Variants in LIG3 observed in about 807,000 individuals in gnomAD.
LIG3 encodes the protein DNA ligase 3.
Under a neutral mutation model 110.9 loss-of-function variants are expected in LIG3, and 58 were observed. The ratio of observed to expected loss-of-function variants is 0.52; its 90% CI spans 0.42 to 0.65. The LOEUF (loss-of-function observed/expected upper bound fraction) is 0.65, where lower values mean the gene tolerates loss of function less well. Ranked by LOEUF, LIG3 falls within the 30% of genes least tolerant of loss-of-function variation. The pLI is 0.00. For missense variants in LIG3, 1,094 were observed against 1,273.8 expected (o/e 0.86, Z 2.15); for synonymous variants, 422 against 472.8 (o/e 0.89, Z 1.39).
In LIG3 at chr17:34,992,504, G is replaced by A; in HGVS notation, c.1287-20G>A. ...ACAAAGGCAGTGGTTTTGTTTCCTT[G>A]TTCCTGTACCCCTTGGCAGGTTAGA... On this transcript the variant is annotated intron_variant, in intron 7 of 19. Coordinates refer to ENST00000378526, the MANE Select transcript of LIG3 (RefSeq NM_013975.4). The A allele has an allele frequency of 2.6e-6, 4 of 1,553,612 alleles. No individual in the cohort carries two copies. Among genetic ancestry groups the A allele is most frequent in the East Asian group, 2.3e-5 (1 of 44,182 alleles).
chr17:35,000,770 C>T (rs568632906), intron 16 of LIG3, among the ~76,000 whole-genome samples: 33 of 151,496 alleles, frequency 2.2e-4, no homozygotes, highest in Non-Finnish European at 3.7e-4. Context: ...GGTGCCACCA[C>T]CCCCAGCTAA....
At chr17:34,998,043 ACAG>A in intron 12 of LIG3, 173 bp from the exon 13 acceptor site, 1 of 647,782 alleles carries the variant, frequency 1.5e-6, no homozygotes, top group South Asian at 2.0e-5. Context: ...TTTCAAAGCC[ACAG>A]CAGCCCTCTG....
At chr17:34,981,856 T>A (rs1263952273) in intron 1 of LIG3, among the ~76,000 whole-genome samples, 1 of 152,240 alleles carries the variant, frequency 6.6e-6, no homozygotes, top group Non-Finnish European at 1.5e-5. Context: ...GCTGATATAA[T>A]CTTTTTCCAT....
Position 35,009,191 on chromosome 17 carries a change from A to T in LIG3, c.*4685A>T, listed in dbSNP as rs2090918496. The T allele has an allele frequency of 6.6e-6, 1 of 152,650 alleles. No individual in the cohort carries two copies. 9.5% of individuals were successfully genotyped at this position (152,650 alleles called of 1,614,324 possible). On this transcript the variant is annotated 3_prime_UTR_variant, in exon 20 of 20. Transcript: ENST00000378526. ...ATAATACACATTTGGGTTTGCTTTA[A>T]CCTCCAAGTAAGTCTGAGAAAATCT...
chr17:35,005,131 G>A lies in LIG3; in HGVS notation c.*625G>A, dbSNP rs936531440. The A allele has an allele frequency of 2.8e-6, 1 of 356,442 alleles. No individual in the cohort carries two copies. Among genetic ancestry groups the A allele is most frequent in the African/African-American group, 2.1e-5 (1 of 46,792 alleles). The allele number at this position is 356,442 out of a possible 1,614,324, so 22.1% of individuals were successfully genotyped here. A position where few individuals can be genotyped will look rare whatever the true frequency, so the allele number is the denominator to read the frequency against. Reference sequence around the variant, plus strand: ...GAAGGGAGGGGACTAGGGTCAGGTAGGAAAATGGGGCCTTTATGAAGAAAG... The same window carrying A: ...GAAGGGAGGGGACTAGGGTCAGGTAAGAAAATGGGGCCTTTATGAAGAAAG... On this transcript the variant is annotated 3_prime_UTR_variant, in exon 20 of 20. Coordinates refer to ENST00000378526, the MANE Select transcript of LIG3 (RefSeq NM_013975.4).
At position 34,989,505 on chromosome 17, in the gene LIG3, C is replaced by T. The variant is rs756198646; in HGVS notation, c.731C>T (p.Thr244Ile). The change falls in exon 4 of 20, where the codon ACC (threonine) becomes ATC (isoleucine). Residue 244 changes from threonine to isoleucine, a missense_variant. By Grantham distance (89) the Thr-to-Ile change is moderately conservative (BLOSUM62 -1). Coordinates refer to ENST00000378526, the MANE Select transcript of LIG3 (RefSeq NM_013975.4). ...NNSGEAPSSP[T>I]PKRSLSSSKC... is the part of the protein sequence containing the mutation. ...TCTGGGGAAGCCCCCTCGAGCCCCA[C>T]CCCTAAGAGAAGTCTGTCTTCAAGC... is the stretch of plus-strand genomic sequence containing the variant. 5.6e-6 allele frequency: 9 copies of T among 1,614,058 alleles called. No individual in the cohort carries two copies. The highest frequency in any genetic ancestry group is 7.6e-6 in the Non-Finnish European group (9 of 1,180,026).
At chr17:34,986,602 G>T (rs1172865581) in intron 3 of LIG3, among the ~76,000 whole-genome samples, 2 of 152,274 alleles carry the variant, frequency 1.3e-5, no homozygotes, top group Admixed American at 6.5e-5. Flanking sequence ...GATTGCAGGC[G>T]TGAGCCACTG....
chr17:34,996,501 TG>T, intron 10 of LIG3, 72 bp from the exon 11 acceptor site: 1 of 1,216,594 alleles, frequency 8.2e-7, no homozygotes, highest in Non-Finnish European at 1.2e-6. Flanking sequence ...CCTCCAGAAG[TG>T]GACTGGTACT....
chr17:34,994,129 C>CA (rs2090753775), intron 8 of LIG3, 147 bp from the exon 9 acceptor site: 4 of 649,876 alleles, frequency 6.2e-6, no homozygotes, highest in African/African-American at 5.5e-5. Context: ...ATCACCTCTT[C>CA]ACCAGCCTTC....
In LIG3 at chr17:34,989,462, A is replaced by G. The variant is rs371682709; in HGVS notation, c.692-4A>G. ...TGAATTCATCTCTGTTGTTTCTCCA[A>G]CAGCCAAGCCCAACAACTCTGGGGA... On this transcript the variant is annotated splice_polypyrimidine_tract_variant and splice_region_variant and intron_variant, in intron 3 of 19. Transcript: ENST00000378526. 6 of 1,613,192 alleles carry G rather than the reference A, an allele frequency of 3.7e-6. No individual in the cohort carries two copies. The highest frequency in any genetic ancestry group is 2.7e-5 in the African/African-American group (2 of 74,820).
In LIG3 at chr17:34,996,212, A is replaced by G; in HGVS notation, c.1743+17A>G. On this transcript the variant is annotated intron_variant, in intron 10 of 19. Transcript: ENST00000378526. Reference sequence around the variant, plus strand: ...GTACACAAGGTACTAGCTCAGGGCCATATGTGCAAGAATGAATGAGTGTGA... The same window carrying G: ...GTACACAAGGTACTAGCTCAGGGCCGTATGTGCAAGAATGAATGAGTGTGA... 6.2e-7 allele frequency: 1 copy of G among 1,613,042 alleles called. No homozygotes were observed. The highest frequency in any genetic ancestry group is 8.5e-7 in the Non-Finnish European group (1 of 1,179,550).
chr17:35,000,608 C>CTTT lies in LIG3; in HGVS notation c.2332-626_2332-624dup, dbSNP rs57663136. Among the ~76,000 whole-genome samples, 221 of 80,410 alleles carry CTTT rather than the reference C, an allele frequency of 2.7e-3. 4 individuals carry two copies. Among genetic ancestry groups the CTTT allele is most frequent in the African/African-American group, 8.5e-3 (147 of 17,246 alleles). 52.8% of individuals were successfully genotyped at this position (80,410 alleles called of 152,430 possible). On this transcript the variant is annotated intron_variant, in intron 16 of 19. Coordinates refer to ENST00000378526, the MANE Select transcript of LIG3 (RefSeq NM_013975.4). ...ATTGCTTCTAGCTGGTTGGGAGATA[C>CTTT]TTTTTTTTTTTTTTTTTTTTTTTTT... is the stretch of plus-strand genomic sequence containing the variant.
At chr17:34,989,702 G>A in intron 4 of LIG3, 39 bp downstream of exon 4, 1 of 1,599,598 alleles carries the variant, frequency 6.3e-7, no homozygotes, top group African/African-American at 1.3e-5. Context: ...TTCCTCCGGA[G>A]AGCTCAAGGC....
At chr17:34,995,851 C>T (rs1302600893) in intron 9 of LIG3, among the ~76,000 whole-genome samples, 1 of 152,230 alleles carries the variant, frequency 6.6e-6, no homozygotes, top group Non-Finnish European at 1.5e-5. Context: ...CATGGGTTGA[C>T]CTCTTCCTGG....
intron 1 of LIG3, among the ~76,000 whole-genome samples, chr17:34,981,776 C>T (rs1444429183): frequency 6.6e-6 from 1 of 152,176 alleles, no homozygotes; most frequent in South Asian, 2.1e-4. Flanking sequence ...CGTGTGCAGA[C>T]TGAACATAAT....
At chr17:34,987,960 C>T (rs941720811) in intron 3 of LIG3, among the ~76,000 whole-genome samples, 175 of 151,640 alleles carry the variant, frequency 1.2e-3, no homozygotes, top group African/African-American at 3.9e-3. Context: ...TTTGGGAGGC[C>T]GAGGCGGGCG....
chr17:34,988,961 A>C (rs980967588), intron 3 of LIG3, among the ~76,000 whole-genome samples: 1 of 151,982 alleles, frequency 6.6e-6, no homozygotes, highest in Non-Finnish European at 1.5e-5. Context: ...CCCCTTTCTC[A>C]TGCCAGCTTT....
In LIG3 at chr17:34,991,727, A is replaced by G. The variant is rs146011862; in HGVS notation, c.1098A>G (p.Pro366=). Residue 366 remains proline (P), a synonymous_variant, in exon 6 of 20, where the codon CCA becomes CCG. Transcript: ENST00000378526. ...TTGAGCAGAGCAAGTCTTTCCCCCCAGCTGCCAAGAGCCTCCTTACCATCC... is the reference window on the plus strand; with the variant it reads ...TTGAGCAGAGCAAGTCTTTCCCCCCGGCTGCCAAGAGCCTCCTTACCATCC... ...VFFEQSKSFP[P]AAKSLLTIQE... 325 of 1,613,808 alleles carry G rather than the reference A, an allele frequency of 2.0e-4. 2 individuals are homozygous for G. Among genetic ancestry groups the G allele is most frequent in the Admixed American group, 4.2e-4 (25 of 59,990 alleles).
At chr17:34,988,661 A>G (rs1418806471) in intron 3 of LIG3, among the ~76,000 whole-genome samples, 2 of 151,934 alleles carry the variant, frequency 1.3e-5, no homozygotes, top group Admixed American at 1.3e-4. Flanking sequence ...TTTTTTTTTT[A>G]TAACTGCTCC....
Sources: allele counts gnomAD v4.1 joint callset (sites outside exome capture counted in the v4.1 genomes callset), GRCh38; gene constraint gnomAD v4.1.1; transcripts MANE v1.5; gene names NCBI Gene and HGNC (gene_info 2026-07-23, HGNC 2026-07-21).